SLC30A7: variants seen among roughly 807,000 people sequenced by gnomAD.
SLC30A7 encodes the protein zinc transporter 7.
In SLC30A7, 35 loss-of-function variants were observed where a neutral mutation model predicts 46.0. That is an observed-to-expected ratio of 0.76 (90% confidence interval 0.58 to 1.01). SLC30A7 has a LOEUF of 1.01. SLC30A7 is among the 50% of genes least tolerant of loss of function. The probability of loss-of-function intolerance (pLI) is 0.00; values close to 1 mark genes in which losing one functional copy is unlikely to be tolerated. For missense variants in SLC30A7, 464 were observed against 451.1 expected (o/e 1.03, Z -0.26); for synonymous variants, 147 against 157.8 (o/e 0.93, Z 0.51).
rs534707631 is a variant in SLC30A7 at position 100,946,364 on chromosome 1, C to T, written c.843-15464C>T. Among the ~76,000 whole-genome samples, 37 of 152,196 alleles carry T rather than the reference C, an allele frequency of 2.4e-4. 1 individual carries two copies. The highest frequency in any genetic ancestry group is 2.1e-4 in the South Asian group (1 of 4,824). ...GAGAGGGGGTATCCTTGTCTTGTGC[C>T]GGTTTTCAAAGGAAATGCTTCCAGT... On this transcript the variant is annotated intron_variant, in intron 8 of 10. Coordinates refer to ENST00000357650, the MANE Select transcript of SLC30A7 (RefSeq NM_133496.5).
At chr1:100,941,540 T>C (rs560450959) in intron 8 of SLC30A7, 1 of 551,750 alleles carries the variant, frequency 1.8e-6, no homozygotes, top group East Asian at 4.5e-5. Context: ...GCCATTGCCT[T>C]GGTCAGTCAT....
intron 8 of SLC30A7, among the ~76,000 whole-genome samples, chr1:100,927,619 G>T (rs890563143): frequency 1.3e-5 from 2 of 152,188 alleles, no homozygotes; most frequent in African/African-American, 4.8e-5. Flanking sequence ...CAAACAACCA[G>T]AATAGTTGTG....
intron 10 of SLC30A7, among the ~76,000 whole-genome samples, chr1:100,974,012 T>C (rs1378441512): frequency 6.6e-6 from 1 of 152,132 alleles, no homozygotes; most frequent in African/African-American, 2.4e-5. Flanking sequence ...GGATAACTCT[T>C]TTGAGGCTTT....
At chr1:100,943,348 G>T (rs1440892937) in intron 8 of SLC30A7, among the ~76,000 whole-genome samples, 5 of 151,876 alleles carry the variant, frequency 3.3e-5, no homozygotes, top group African/African-American at 1.2e-4. Flanking sequence ...CAGAGGAAGA[G>T]ATGCATGGGG....
chr1:100,923,004 ATTTTTTTTTTTTTTT>A (rs71084855), intron 8 of SLC30A7, among the ~76,000 whole-genome samples: 1 of 49,110 alleles, frequency 2.0e-5, no homozygotes, highest in South Asian at 1.1e-3. Flanking sequence ...GTTAGAATAG[ATTTTTTTTTTTTTTT>A]TTTTTTTTTT....
Position 100,979,735 on chromosome 1 carries a change from A to G in SLC30A7, c.*4878A>G, listed in dbSNP as rs145695730. On this transcript the variant is annotated 3_prime_UTR_variant, in exon 11 of 11. Transcript: ENST00000357650. The stretch of plus-strand genomic sequence containing the variant: ...CTCATAACATCTCTGTGAGGAAGGA[A>G]TTTTTATCCTTATTTTACAGATGAG... The G allele has an allele frequency of 1.9e-4, 29 of 152,188 alleles. No individual in the cohort carries two copies. Among genetic ancestry groups the G allele is most frequent in the African/African-American group, 6.3e-4 (26 of 41,546 alleles). 9.4% of individuals were successfully genotyped at this position (152,188 alleles called of 1,614,324 possible).
chr1:100,966,965 G>T (rs948112412), intron 10 of SLC30A7, among the ~76,000 whole-genome samples: 7 of 152,134 alleles, frequency 4.6e-5, no homozygotes, highest in South Asian at 2.1e-4. Flanking sequence ...TCAGTGCATG[G>T]TCTACAACCA....
intron 8 of SLC30A7, among the ~76,000 whole-genome samples, chr1:100,923,249 C>T (rs1242740600): frequency 6.8e-6 from 1 of 148,108 alleles, no homozygotes; most frequent in East Asian, 2.0e-4. Flanking sequence ...ATCTCCTGAC[C>T]TCGTGATCCG....
At chr1:100,967,184 T>TA (rs1488994528) in intron 10 of SLC30A7, among the ~76,000 whole-genome samples, 1 of 152,214 alleles carries the variant, frequency 6.6e-6, no homozygotes, top group African/African-American at 2.4e-5. Flanking sequence ...TAGACATTGA[T>TA]ACCACTGTCA....
chr1:100,961,553 GAAAATGT>G (rs1307253624), intron 8 of SLC30A7, among the ~76,000 whole-genome samples: 1 of 152,156 alleles, frequency 6.6e-6, no homozygotes, highest in Non-Finnish European at 1.5e-5. Context: ...ACTAACAGTT[GAAAATGT>G]GCTGGGTTTA....
At chr1:100,941,936 CA>C in intron 8 of SLC30A7, 1 of 296,642 alleles carries the variant, frequency 3.4e-6, no homozygotes, top group Non-Finnish European at 6.4e-6. Flanking sequence ...GCCAACCCTC[CA>C]ATGAAAATGA....
intron 8 of SLC30A7, among the ~76,000 whole-genome samples, chr1:100,946,994 T>C (rs1183543285): frequency 2.0e-5 from 3 of 152,222 alleles, no homozygotes; most frequent in Non-Finnish European, 2.9e-5. Context: ...GAGATTCAAC[T>C]TCTTCCTCGT....
intron 9 of SLC30A7, among the ~76,000 whole-genome samples, chr1:100,962,487 TC>T (rs1655601533): frequency 6.6e-6 from 1 of 152,196 alleles, no homozygotes; most frequent in Non-Finnish European, 1.5e-5. Context: ...AGAAGAATGT[TC>T]CAGGCAAGGG....
intron 8 of SLC30A7, among the ~76,000 whole-genome samples, chr1:100,954,941 T>A (rs1424779143): frequency 6.6e-6 from 1 of 152,042 alleles, no homozygotes; most frequent in East Asian, 1.9e-4. Context: ...AATTTATTTT[T>A]AAAACTATAA....
At chr1:100,967,631 A>C (rs1454609474) in intron 10 of SLC30A7, among the ~76,000 whole-genome samples, 1 of 152,234 alleles carries the variant, frequency 6.6e-6, no homozygotes, top group African/African-American at 2.4e-5. Flanking sequence ...CTCCTACCAA[A>C]AACGTTTCAC....
chr1:100,971,632 C>T (rs972916033), intron 10 of SLC30A7, among the ~76,000 whole-genome samples: 1 of 151,988 alleles, frequency 6.6e-6, no homozygotes, highest in Non-Finnish European at 1.5e-5. Context: ...GTGATCAGTA[C>T]CTAACATATT....
At chr1:100,940,148 G>T (rs1259442323) in intron 8 of SLC30A7, among the ~76,000 whole-genome samples, 1 of 152,084 alleles carries the variant, frequency 6.6e-6, no homozygotes, top group South Asian at 2.1e-4. Context: ...GCTTACTAAT[G>T]ATAAAGACAG....
intron 2 of SLC30A7, among the ~76,000 whole-genome samples, chr1:100,906,209 C>T (rs1004581127): frequency 1.3e-5 from 2 of 152,072 alleles, no homozygotes; most frequent in Non-Finnish European, 2.9e-5. Context: ...GTTCTTGCTC[C>T]ACTCTCAGCT....
chr1:100,970,650 GGA>G lies in SLC30A7; in HGVS notation c.1084-4156_1084-4155del, dbSNP rs1170391686. Among the ~76,000 whole-genome samples, 4 of 148,426 alleles carry G rather than the reference GGA, an allele frequency of 2.7e-5. No homozygotes were observed. The East Asian group carries it at 5.8e-4, about 22-fold the overall frequency. ...GTTATCATTTGGGAATTGATAAAATGGAGAGTTTACCTTTTGTGTTTAGTGTA... is the reference window on the plus strand; with the variant it reads ...GTTATCATTTGGGAATTGATAAAATGGAGTTTACCTTTTGTGTTTAGTGTA... On this transcript the variant is annotated intron_variant, in intron 10 of 10. Transcript: ENST00000357650.
Sources: allele counts gnomAD v4.1 joint callset (sites outside exome capture counted in the v4.1 genomes callset), GRCh38; gene constraint gnomAD v4.1.1; transcripts MANE v1.5; gene names NCBI Gene and HGNC (gene_info 2026-07-23, HGNC 2026-07-21).